Variants in ITGA2B observed in about 807,000 individuals in gnomAD.
ITGA2B encodes the protein integrin alpha-IIb.
In ITGA2B, 91 loss-of-function variants were observed where a neutral mutation model predicts 142.0. That is an observed-to-expected ratio of 0.64 (90% CI 0.54 to 0.76). The LOEUF is 0.76. ITGA2B is among the 30% of genes least tolerant of loss of function. The probability of loss-of-function intolerance (pLI) is 0.00; values close to 1 mark genes in which losing one functional copy is unlikely to be tolerated. For missense variants in ITGA2B, 1,231 were observed against 1,350.8 expected (o/e 0.91, Z 1.39); for synonymous variants, 536 against 567.2 (o/e 0.94, Z 0.78).
chr17:44,380,869 T>A lies in ITGA2B; in HGVS notation c.1393+10A>T. On this transcript the variant is annotated intron_variant, in intron 13 of 29. Transcript: ENST00000262407. ...CTTGGGCATTTCTAGCTGGAGGCAG[T>A]CCAGGGCACCTGGGTATCCGTTGTC... The A allele has an allele frequency of 6.2e-7, 1 of 1,614,206 alleles. No homozygotes were observed. The highest frequency in any genetic ancestry group is 8.5e-7 in the Non-Finnish European group (1 of 1,180,008).
At chr17:44,378,779 A>T in intron 18 of ITGA2B, 69 bp from the exon 19 acceptor site, 1 of 1,430,672 alleles carries the variant, frequency 7.0e-7, no homozygotes, top group South Asian at 1.2e-5. Context: ...CATCAGGGTT[A>T]GGAAAACAGT....
At chr17:44,384,634 G>T in intron 7 of ITGA2B, 49 bp from the exon 8 acceptor site, 1 of 1,598,062 alleles carries the variant, frequency 6.3e-7, no homozygotes, top group Non-Finnish European at 8.6e-7. Flanking sequence ...GAAGCACAGA[G>T]GGGACGGAGG....
rs763130236 is a variant in ITGA2B, at chr17:44,386,045, T to C, written c.275A>G (p.Glu92Gly). 2.5e-6 allele frequency: 4 copies of C among 1,613,070 alleles called. No homozygotes were observed. Among genetic ancestry groups the C allele is most frequent in the Non-Finnish European group, 3.4e-6 (4 of 1,179,890 alleles). Residue 92 changes from glutamate (E) to glycine (G), a missense_variant, in exon 2 of 30, where the codon GAG (glutamate) becomes GGG (glycine). Physicochemically the swap from Glu to Gly is moderately conservative, Grantham distance 98. Around this residue, in one of 3 missense-constraint regions of ITGA2B, gnomAD observed 318 missense variants for 312.2 expected, o/e 1.02. Coordinates refer to ENST00000262407, the MANE Select transcript of ITGA2B (RefSeq NM_000419.5). ...GGVFLCPWRAEGGQCPSLLFD... is the reference protein window; with the variant it reads ...GGVFLCPWRAGGGQCPSLLFD... Reference sequence around the variant, plus strand: ...GAGCAGCGAGGGGCACTGGCCGCCCTCGGCCCTCCAGGGGCACAGGAACAC... The same window carrying C: ...GAGCAGCGAGGGGCACTGGCCGCCCCCGGCCCTCCAGGGGCACAGGAACAC...
rs1418507782 is a variant in ITGA2B at position 44,384,940 on chromosome 17, G to A, written c.799+8C>T. ...CGGGGTGCTGGAAGTCTGGAATGGC[G>A]GTGTTACCCCAGTAGCCGTCGAAGT... On this transcript the variant is annotated splice_region_variant and intron_variant, in intron 7 of 29. Transcript: ENST00000262407. 6.2e-7 allele frequency: 1 copy of A among 1,614,030 alleles called. No homozygotes were observed. The highest frequency in any genetic ancestry group is 8.5e-7 in the Non-Finnish European group (1 of 1,180,010).
chr17:44,374,062 C>A (rs771277802), intron 29 of ITGA2B: 2 of 389,406 alleles, frequency 5.1e-6, no homozygotes, highest in Non-Finnish European at 9.9e-6. Flanking sequence ...TGTGTCAACA[C>A]GCCCGGCTAA....
intron 9 of ITGA2B, 69 bp from the exon 10 acceptor site, chr17:44,384,207 G>A (rs1184710565): frequency 1.2e-6 from 2 of 1,602,344 alleles, no homozygotes; most frequent in African/African-American, 1.3e-5. Context: ...AGGTGAGAAA[G>A]GGTGGTTTGG....
At position 44,383,462 on chromosome 17, in the gene ITGA2B, T is replaced by A. The variant is rs1426731454; in HGVS notation, c.1210+31A>T. 3 of 1,577,588 alleles carry A rather than the reference T, an allele frequency of 1.9e-6. No homozygotes were observed. In the Admixed American group the frequency reaches 5.5e-5, roughly 29 times the overall value. On this transcript the variant is annotated intron_variant, in intron 12 of 29. Coordinates refer to ENST00000262407, the MANE Select transcript of ITGA2B (RefSeq NM_000419.5). ...CTTTTTGAGTGGCTGTTAACCCCTC[T>A]GCAGCAAGTAGGGCTCCTCTCTTCC... is the stretch of plus-strand genomic sequence containing the variant.
At chr17:44,385,787 C>T (rs1264425095) in intron 3 of ITGA2B, 37 bp downstream of exon 3, 1 of 1,609,478 alleles carries the variant, frequency 6.2e-7, no homozygotes, top group Non-Finnish European at 8.5e-7. Flanking sequence ...TGTCCCTGCC[C>T]CCGATTGTTC....
intron 1 of ITGA2B, among the ~76,000 whole-genome samples, chr17:44,388,235 A>G (rs2048666669): frequency 6.6e-6 from 1 of 151,812 alleles, no homozygotes; most frequent in Admixed American, 6.6e-5. Flanking sequence ...CTTTTCAAAT[A>G]TTTATAATGT....
chr17:44,379,458 T>C (rs1198022021), intron 18 of ITGA2B, among the ~76,000 whole-genome samples: 1 of 152,032 alleles, frequency 6.6e-6, no homozygotes, highest in Admixed American at 6.5e-5. Flanking sequence ...TTCACCATGT[T>C]GGCCAGGTTG....
At chr17:44,378,284 C>G (rs547643313) in intron 20 of ITGA2B, 78 bp downstream of exon 20, 934 of 1,523,862 alleles carry the variant, frequency 6.1e-4, no homozygotes, top group Non-Finnish European at 7.7e-4. Flanking sequence ...AAGAGGGACT[C>G]TCAGGGAGGG....
intron 7 of ITGA2B, 89 bp from the exon 8 acceptor site, chr17:44,384,674 GC>G (rs1401657210): frequency 6.8e-7 from 1 of 1,466,730 alleles, no homozygotes; most frequent in Non-Finnish European, 9.6e-7. Context: ...AGGCCACTCA[GC>G]CCCAGCCCTG....
chr17:44,376,144 CTT>C lies in ITGA2B; in HGVS notation c.2387_2388del (p.Glu796GlyfsTer2). The C allele has an allele frequency of 6.2e-7, 1 of 1,614,196 alleles. No homozygotes were observed. Among genetic ancestry groups the C allele is most frequent in the Non-Finnish European group, 8.5e-7 (1 of 1,180,032 alleles). Reference protein sequence around the residue: ...FPASLVVAAEEGEREQNSLDS... With the variant: ...FPASLVVAAEXGEREQNSLDS... ...TCCAAGCTGTTCTGCTCCCTCTCAC[CTT>C]CTTCTGCTGCCACCACCAGGGAGGC... On this transcript the variant is annotated frameshift_variant, in exon 24 of 30. Coordinates refer to ENST00000262407, the MANE Select transcript of ITGA2B (RefSeq NM_000419.5). LOFTEE classifies it high-confidence loss of function.
At chr17:44,377,849 T>C in intron 20 of ITGA2B, 59 bp from the exon 21 acceptor site, 1 of 927,094 alleles carries the variant, frequency 1.1e-6, no homozygotes, top group Non-Finnish European at 1.6e-6. Flanking sequence ...ATATTTAAGC[T>C]CCCTTGGAAG....
At position 44,375,702 on chromosome 17, in the gene ITGA2B, C is replaced by T; in HGVS notation, c.2616G>A (p.Leu872=). ...GAATGGGGGAGGGGCTGGGGATGGG[C>T]AGCCCCCAGTCCACCTGGGGGGGCA... is the stretch of plus-strand genomic sequence containing the variant. ...PVNPLKVDWG[L]PIPSPSPIHP... The change falls in exon 26 of 30, where the codon CTG becomes CTA. Residue 872 remains leucine, a synonymous_variant. Coordinates refer to ENST00000262407, the MANE Select transcript of ITGA2B (RefSeq NM_000419.5). The T allele has an allele frequency of 1.9e-6, 3 of 1,586,984 alleles. No individual in the cohort carries two copies. Among genetic ancestry groups the T allele is most frequent in the Non-Finnish European group, 2.6e-6 (3 of 1,166,902 alleles).
chr17:44,382,924 G>A (rs1236074011), intron 12 of ITGA2B, among the ~76,000 whole-genome samples: 1 of 151,890 alleles, frequency 6.6e-6, no homozygotes, highest in Non-Finnish European at 1.5e-5. Flanking sequence ...CTCTATCCTG[G>A]GCCTCTTATT....
intron 29 of ITGA2B, chr17:44,374,107 T>C (rs2048518464): frequency 6.2e-6 from 3 of 482,646 alleles, no homozygotes; most frequent in Admixed American, 3.3e-5. Context: ...GGTTTCACCA[T>C]GTTGGCCAGG....
intron 12 of ITGA2B, among the ~76,000 whole-genome samples, chr17:44,382,964 C>T (rs2048609668): frequency 6.6e-6 from 1 of 152,112 alleles, no homozygotes; most frequent in Non-Finnish European, 1.5e-5. Flanking sequence ...ATCCACTTTC[C>T]CCAAACCCCT....
At position 44,388,818 on chromosome 17, in the gene ITGA2B, CT is replaced by C. The variant is rs758076614; in HGVS notation, c.188+467del. ...AGGTGTGAGCCACTGTGCCTGGTCTCTTTTTTTTTTTTTTTTTTGTATTTTT... is the reference window on the plus strand; with the variant it reads ...AGGTGTGAGCCACTGTGCCTGGTCTCTTTTTTTTTTTTTTTTTGTATTTTT... On this transcript the variant is annotated intron_variant, in intron 1 of 29. Coordinates refer to ENST00000262407, the MANE Select transcript of ITGA2B (RefSeq NM_000419.5). Among the ~76,000 whole-genome samples, 102 of 132,170 alleles carry C rather than the reference CT, an allele frequency of 7.7e-4. No homozygotes were observed. The East Asian group carries it at 8.6e-3, about 11-fold the overall frequency. The allele number at this position is 132,170 out of a possible 152,430, so 86.7% of individuals were successfully genotyped here. A position where few individuals can be genotyped will look rare whatever the true frequency, so the allele number is the denominator to read the frequency against.
Sources: gnomAD v4.1 joint callset for allele counts (sites outside exome capture counted in the v4.1 genomes callset) on GRCh38, gnomAD v4.1.1 for gene constraint, gnomAD v4.1.1 regional missense constraint, MANE v1.5 for transcripts, NCBI Gene and HGNC (gene_info 2026-07-23, HGNC 2026-07-21) for gene names.